The following ALDH18A1 variants were observed in gnomAD, a reference collection of about 807,000 sequenced individuals.
ALDH18A1 encodes aldehyde dehydrogenase 18 family member A1.
A neutral mutation model predicts 88.8 loss-of-function variants in ALDH18A1; 44 were observed. The observed-to-expected ratio is 0.50, with a 90% CI of 0.39 to 0.64. ALDH18A1 has a LOEUF of 0.64. Among genes scored for constraint, ALDH18A1 ranks in the 30% least tolerant of loss-of-function variants. The pLI is 0.00. For missense variants in ALDH18A1, 782 were observed against 1,009.5 expected, an observed-to-expected ratio of 0.77 and a Z score of 3.05; for synonymous variants, 331 against 372.1, an observed-to-expected ratio of 0.89 and a Z score of 1.27.
chr10:95,622,488 G>A (rs989719973), intron 11 of ALDH18A1, among the ~76,000 whole-genome samples: 9 of 151,174 alleles, frequency 6.0e-5, no homozygotes, highest in Non-Finnish European at 7.4e-5. Context: ...TGGTATGAGC[G>A]ACCATGCTTG....
chr10:95,653,187 CCAAACAAA>C, intron 2 of ALDH18A1, 95 bp downstream of exon 2: 1 of 1,154,790 alleles, frequency 8.7e-7, no homozygotes, highest in South Asian at 1.3e-5. Flanking sequence ...GACCCTGTCT[CCAAACAAA>C]CAAACAAACA....
At chr10:95,647,877 T>A (rs1454775127) in intron 2 of ALDH18A1, among the ~76,000 whole-genome samples, 1 of 152,254 alleles carries the variant, frequency 6.6e-6, no homozygotes, top group African/African-American at 2.4e-5. Context: ...TGGCTGAACA[T>A]GTGGAGGTTC....
chr10:95,647,577 G>C (rs1011567316), intron 2 of ALDH18A1, among the ~76,000 whole-genome samples: 2 of 152,166 alleles, frequency 1.3e-5, no homozygotes, highest in Non-Finnish European at 2.9e-5. Context: ...GTATTCTCCT[G>C]AACTCCTTTC....
intron 5 of ALDH18A1, 24 bp downstream of exon 5, chr10:95,637,069 C>T: frequency 1.2e-6 from 2 of 1,610,098 alleles, no homozygotes; most frequent in Non-Finnish European, 1.7e-6. Flanking sequence ...GGTCCCACAC[C>T]CATTTCAAAG....
intron 12 of ALDH18A1, among the ~76,000 whole-genome samples, chr10:95,618,070 T>A (rs183071722): frequency 1.3e-5 from 2 of 151,816 alleles, no homozygotes; most frequent in East Asian, 3.9e-4. Context: ...AGTAAAGAGG[T>A]GCTAGTTTTT....
At chr10:95,652,528 G>T (rs1324616683) in intron 2 of ALDH18A1, among the ~76,000 whole-genome samples, 2 of 152,130 alleles carry the variant, frequency 1.3e-5, no homozygotes, top group African/African-American at 4.8e-5. Flanking sequence ...CTGAGGTCAG[G>T]AGTTCGAGAC....
chr10:95,618,059 T>G (rs756762104), intron 12 of ALDH18A1, among the ~76,000 whole-genome samples: 2 of 152,146 alleles, frequency 1.3e-5, no homozygotes, highest in African/African-American at 4.8e-5. Context: ...CTATGTCTTA[T>G]AGTAAAGAGG....
chr10:95,637,295 T>C lies in ALDH18A1; in HGVS notation c.445A>G (p.Lys149Glu), dbSNP rs2097882629. Residue 149 changes from lysine (K) to glutamate (E), a missense_variant, in exon 4 of 18, where the codon AAA (lysine) becomes GAA (glutamate). Physicochemically the swap from Lys to Glu is moderately conservative, Grantham distance 56. This residue lies in a region of ALDH18A1 where 132 missense variants were observed against 255.5 expected (regional missense o/e 0.52). Coordinates refer to ENST00000371224, the MANE Select transcript of ALDH18A1 (RefSeq NM_002860.4). The stretch of plus-strand genomic sequence containing the variant: ...GGGGAAGCAGCACTCACCATTTCTT[T>C]CAGCTGGTTCTGCCCCGAGTGGAGG... ...QALHSGQNQLKEMAIPVLEAR... is the reference protein window; with the variant it reads ...QALHSGQNQLEEMAIPVLEAR... 7 of 1,614,230 alleles carry C rather than the reference T, an allele frequency of 4.3e-6. No individual in the cohort carries two copies. The highest frequency in any genetic ancestry group is 5.1e-6 in the Non-Finnish European group (6 of 1,180,046).
At chr10:95,625,599 C>A in intron 10 of ALDH18A1, 144 bp from the exon 11 acceptor site, 1 of 693,428 alleles carries the variant, frequency 1.4e-6, no homozygotes, top group Non-Finnish European at 2.6e-6. Flanking sequence ...CCTGACTTCC[C>A]ATCACTTATT....
chr10:95,620,998 C>T (rs745305919), intron 12 of ALDH18A1, 33 bp downstream of exon 12: 1 of 1,594,964 alleles, frequency 6.3e-7, no homozygotes, highest in Non-Finnish European at 8.6e-7. Flanking sequence ...CCCCCAATGG[C>T]AGGGTATTTA....
chr10:95,653,080 T>C (rs1194337446), intron 2 of ALDH18A1, among the ~76,000 whole-genome samples: 1 of 151,626 alleles, frequency 6.6e-6, no homozygotes, highest in Non-Finnish European at 1.5e-5. Flanking sequence ...CCCAAGTACT[T>C]GGTGGGCTGA....
chr10:95,640,715 C>T (rs940296797), intron 3 of ALDH18A1, among the ~76,000 whole-genome samples: 3 of 152,174 alleles, frequency 2.0e-5, no homozygotes, highest in African/African-American at 7.2e-5. Flanking sequence ...GCTCCTGAGT[C>T]CATCTGACAT....
chr10:95,643,278 C>T (rs2097895411), intron 2 of ALDH18A1, 72 bp from the exon 3 acceptor site: 3 of 1,479,330 alleles, frequency 2.0e-6, no homozygotes, highest in Non-Finnish European at 2.8e-6. Flanking sequence ...AATATACATG[C>T]TCAGTATTAA....
At chr10:95,643,291 A>G in intron 2 of ALDH18A1, 85 bp from the exon 3 acceptor site, 3 of 1,341,792 alleles carry the variant, frequency 2.2e-6, no homozygotes, top group Non-Finnish European at 3.2e-6. Flanking sequence ...AGTATTAACC[A>G]GTTTAGATAC....
At position 95,610,300 on chromosome 10, in the gene ALDH18A1, G is replaced by C; in HGVS notation, c.2111-8C>G. ...AGAACTCCGCTGTGTTTTCTGCAGGGTGAAGAAGGAGAAACCAAGTTAGGA... is the reference window on the plus strand; with the variant it reads ...AGAACTCCGCTGTGTTTTCTGCAGGCTGAAGAAGGAGAAACCAAGTTAGGA... On this transcript the variant is annotated splice_region_variant and splice_polypyrimidine_tract_variant and intron_variant, in intron 16 of 17. Transcript: ENST00000371224. The C allele has an allele frequency of 6.2e-7, 1 of 1,613,698 alleles. No homozygotes were observed. The highest frequency in any genetic ancestry group is 8.5e-7 in the Non-Finnish European group (1 of 1,179,684).
intron 5 of ALDH18A1, among the ~76,000 whole-genome samples, chr10:95,635,426 G>A (rs186675596): frequency 2.0e-5 from 3 of 152,300 alleles, no homozygotes; most frequent in Non-Finnish European, 4.4e-5. Context: ...GGAAAAGTAC[G>A]TGTTTAGACA....
intron 12 of ALDH18A1, among the ~76,000 whole-genome samples, chr10:95,619,519 G>GCTACC (rs1386625439): frequency 6.6e-6 from 1 of 152,170 alleles, no homozygotes; most frequent in Non-Finnish European, 1.5e-5. Flanking sequence ...GAGGCATCAT[G>GCTACC]CTACCTGACT....
intron 9 of ALDH18A1, 35 bp from the exon 10 acceptor site, chr10:95,626,811 A>C: frequency 6.2e-7 from 1 of 1,609,610 alleles, no homozygotes; most frequent in Non-Finnish European, 8.5e-7. Context: ...GGTCATGGTC[A>C]CCTTAGTTCT....
At chr10:95,646,506 T>C (rs1278137251) in intron 2 of ALDH18A1, among the ~76,000 whole-genome samples, 1 of 152,152 alleles carries the variant, frequency 6.6e-6, no homozygotes, top group Admixed American at 6.5e-5. Context: ...CAGTAGGTTC[T>C]AGCACAAAGG....
Sources: gnomAD v4.1 joint callset for allele counts (sites outside exome capture counted in the v4.1 genomes callset) on GRCh38, gnomAD v4.1.1 for gene constraint, gnomAD v4.1.1 regional missense constraint, MANE v1.5 for transcripts, NCBI Gene and HGNC (gene_info 2026-07-23, HGNC 2026-07-21) for gene names.